Variants in ANKRD36C observed in about 807,000 individuals in gnomAD.
The protein encoded by ANKRD36C is ankyrin repeat domain-containing protein 36C.
Under a neutral mutation model 276.4 loss-of-function variants are expected in ANKRD36C, and 61 were observed. The observed-to-expected ratio is 0.22, with a 90% CI of 0.18 to 0.27. The LOEUF is 0.27. Among genes scored for constraint, ANKRD36C ranks in the 10% least tolerant of loss-of-function variants. ANKRD36C has a pLI of 1.00. For synonymous variants in ANKRD36C, 483 were observed against 680.1 expected, an observed-to-expected ratio of 0.71 and a Z score of 4.51; for missense variants, 1,447 against 2,032.3, an observed-to-expected ratio of 0.71 and a Z score of 5.54.
chr2:95,927,216 G>C (rs1249644337), exon 28 of ANKRD36C: 2 of 1,609,796 alleles, frequency 1.2e-6, no homozygotes, highest in South Asian at 2.2e-5. Flanking sequence ...AAAATTACCT[G>C]TCCCAGATTG....
chr2:95,956,183 T>C (rs1461538380), intron 13 of ANKRD36C, among the ~76,000 whole-genome samples: 1 of 150,546 alleles, frequency 6.6e-6, no homozygotes, highest in Non-Finnish European at 1.5e-5. Flanking sequence ...TATTTAGATA[T>C]TCTCCATGCA....
At chr2:95,917,499 C>T (rs1677135103) in intron 36 of ANKRD36C, among the ~76,000 whole-genome samples, 1 of 151,516 alleles carries the variant, frequency 6.6e-6, no homozygotes, top group Non-Finnish European at 1.5e-5. Flanking sequence ...GATGTGACGT[C>T]TGTAAAATCT....
chr2:95,912,426 C>A, exon 41 of ANKRD36C: 2 of 1,604,610 alleles, frequency 1.2e-6, no homozygotes, highest in Admixed American at 1.7e-5. Flanking sequence ...TGGTTTTTTC[C>A]GAGAAGACAC....
At chr2:95,977,167 T>G (rs1208328943) in intron 6 of ANKRD36C, among the ~76,000 whole-genome samples, 2 of 152,056 alleles carry the variant, frequency 1.3e-5, no homozygotes, top group Non-Finnish European at 2.9e-5. Context: ...CATGTCCTAC[T>G]CCTTTCTTGT....
intron 6 of ANKRD36C, among the ~76,000 whole-genome samples, chr2:95,977,007 A>G (rs575157171): frequency 6.6e-6 from 1 of 151,976 alleles, no homozygotes; most frequent in East Asian, 1.9e-4. Context: ...TTCTCATTCT[A>G]CATCTGCATC....
At chr2:95,869,759 C>T (rs1419658646) in intron 59 of ANKRD36C, among the ~76,000 whole-genome samples, 1 of 152,174 alleles carries the variant, frequency 6.6e-6, no homozygotes, top group Admixed American at 6.5e-5. Flanking sequence ...CTTTCCTAGT[C>T]AAAGAAAGGG....
chr2:95,948,127 T>C (rs1678102183), intron 17 of ANKRD36C, among the ~76,000 whole-genome samples: 2 of 152,188 alleles, frequency 1.3e-5, no homozygotes. Flanking sequence ...TAATAAGTCA[T>C]CTGATGTAAC....
intron 44 of ANKRD36C, chr2:95,893,596 C>T: frequency 6.3e-7 from 1 of 1,580,184 alleles, no homozygotes. Flanking sequence ...TCTTCCTCGT[C>T]ACCTGTAGCC....
At chr2:95,927,663 C>G (rs1482892181) in intron 26 of ANKRD36C, among the ~76,000 whole-genome samples, 1 of 151,468 alleles carries the variant, frequency 6.6e-6, no homozygotes, top group South Asian at 2.1e-4. Context: ...AAAATAAAAC[C>G]GTGTCAATAT....
chr2:95,968,879 A>T (rs1308728948), intron 6 of ANKRD36C, among the ~76,000 whole-genome samples: 2 of 152,224 alleles, frequency 1.3e-5, no homozygotes, highest in Non-Finnish European at 2.9e-5. Context: ...CATATTTACC[A>T]GTTTCTTATA....
intron 46 of ANKRD36C, among the ~76,000 whole-genome samples, chr2:95,890,817 A>G (rs1039221093): frequency 6.6e-6 from 1 of 151,584 alleles, no homozygotes; most frequent in South Asian, 2.1e-4. Context: ...TTAGAATTCA[A>G]CATCATTTTT....
chr2:95,947,471 A>G (rs1678083937), intron 17 of ANKRD36C, among the ~76,000 whole-genome samples: 1 of 152,178 alleles, frequency 6.6e-6, no homozygotes, highest in South Asian at 2.1e-4. Context: ...CTTAAGATAC[A>G]TACAAATAGA....
intron 44 of ANKRD36C, among the ~76,000 whole-genome samples, 176 bp from the exon 65 acceptor site, chr2:95,892,036 A>G (rs1415178009): frequency 6.6e-6 from 1 of 151,600 alleles, no homozygotes; most frequent in African/African-American, 2.4e-5. Context: ...AGAAAAGGGA[A>G]TACAGGCTCC....
intron 1 of ANKRD36C, among the ~76,000 whole-genome samples, chr2:95,990,885 G>C (rs1266007219): frequency 2.0e-5 from 3 of 152,088 alleles, no homozygotes; most frequent in African/African-American, 7.2e-5. Flanking sequence ...TTTAAAACGT[G>C]TACATTAAAA....
intron 4 of ANKRD36C, among the ~76,000 whole-genome samples, chr2:95,981,959 T>A (rs1678931929): frequency 6.6e-6 from 1 of 152,182 alleles, no homozygotes; most frequent in African/African-American, 2.4e-5. Context: ...TAACACCACA[T>A]CATACTATAA....
intron 58 of ANKRD36C, among the ~76,000 whole-genome samples, 183 bp from the exon 79 acceptor site, chr2:95,876,695 A>G (rs1418226773): frequency 6.7e-6 from 1 of 149,862 alleles, no homozygotes; most frequent in Non-Finnish European, 1.5e-5. Context: ...ACTAAAAAAT[A>G]CAAAAAATTA....
intron 42 of ANKRD36C, among the ~76,000 whole-genome samples, chr2:95,902,154 C>T (rs1484283999): frequency 6.7e-6 from 1 of 149,874 alleles, no homozygotes; most frequent in Non-Finnish European, 1.5e-5. Context: ...CAAATTTATT[C>T]ATATTCAAGA....
intron 24 of ANKRD36C, among the ~76,000 whole-genome samples, chr2:95,931,262 C>T (rs1223327855): frequency 6.6e-6 from 1 of 151,138 alleles, no homozygotes; most frequent in Non-Finnish European, 1.5e-5. Context: ...GCCCCATTGC[C>T]TCCTCTCTCC....
chr2:95,942,546 G>T (rs1018750931), intron 19 of ANKRD36C, among the ~76,000 whole-genome samples: 441 of 140,592 alleles, frequency 3.1e-3, no homozygotes, highest in Middle Eastern at 0.023. Flanking sequence ...AAATATAAGA[G>T]AGAAATGTAA....
Sources: allele counts gnomAD v4.1 joint callset (sites outside exome capture counted in the v4.1 genomes callset), GRCh38; gene constraint gnomAD v4.1.1; transcripts MANE v1.5; gene names NCBI Gene and HGNC (gene_info 2026-07-23, HGNC 2026-07-21).